LIN9: variants seen among roughly 807,000 people sequenced by gnomAD.
LIN9 encodes the protein lin-9 DREAM MuvB core complex component.
A neutral mutation model predicts 78.0 loss-of-function variants in LIN9; 18 were observed. That is an observed-to-expected ratio of 0.23 (90% confidence interval 0.16 to 0.34). The LOEUF is 0.34. Among genes scored for constraint, LIN9 ranks in the 10% least tolerant of loss-of-function variants. LIN9 has a pLI of 1.00. For synonymous variants in LIN9, 192 were observed against 215.2 expected (o/e 0.89, Z 0.94); for missense variants, 451 against 644.1 (o/e 0.70, Z 3.25).
At chr1:226,252,508 G>T (rs977634022) in intron 10 of LIN9, among the ~76,000 whole-genome samples, 1 of 152,104 alleles carries the variant, frequency 6.6e-6, no homozygotes, top group Non-Finnish European at 1.5e-5. Context: ...AATCGAGACT[G>T]TGGGAGACTG....
At chr1:226,255,158 T>G (rs1198907443) in intron 10 of LIN9, among the ~76,000 whole-genome samples, 6 of 152,150 alleles carry the variant, frequency 3.9e-5, no homozygotes, top group African/African-American at 1.4e-4. Context: ...GAGGCTTTTT[T>G]GAAAAGCATA....
upstream of LIN9, chr1:226,309,537 A>G: frequency 8.5e-7 from 1 of 1,177,254 alleles, no homozygotes; most frequent in Non-Finnish European, 1.1e-6. Flanking sequence ...CCGAGTGGAG[A>G]ACGGGAGGGA....
chr1:226,243,044 G>C (rs1402658972), intron 11 of LIN9, among the ~76,000 whole-genome samples: 1 of 152,178 alleles, frequency 6.6e-6, no homozygotes, highest in Non-Finnish European at 1.5e-5. Flanking sequence ...TTAAGTTTTA[G>C]GGGAGTCAAA....
chr1:226,268,586 A>G (rs534409405), intron 7 of LIN9, among the ~76,000 whole-genome samples: 1 of 152,260 alleles, frequency 6.6e-6, no homozygotes, highest in East Asian at 1.9e-4. Context: ...CTAATTAATA[A>G]TGGTGGTTTT....
intron 11 of LIN9, among the ~76,000 whole-genome samples, chr1:226,240,212 G>C (rs1361417076): frequency 4.6e-5 from 7 of 152,154 alleles, no homozygotes; most frequent in Non-Finnish European, 1.0e-4. Flanking sequence ...GTACTAAATA[G>C]AGCTGACTAA....
intron 8 of LIN9, among the ~76,000 whole-genome samples, chr1:226,267,145 G>A (rs1403214939): frequency 6.6e-6 from 1 of 151,064 alleles, no homozygotes; most frequent in Non-Finnish European, 1.5e-5. Flanking sequence ...TAAGAGCAGT[G>A]TACTCTGTTC....
intron 10 of LIN9, among the ~76,000 whole-genome samples, chr1:226,254,035 G>T (rs1472057925): frequency 6.6e-6 from 1 of 152,208 alleles, no homozygotes; most frequent in Non-Finnish European, 1.5e-5. Context: ...GGGCTCAAGT[G>T]ATCTTCCCAC....
At chr1:226,250,433 TAC>T (rs1489761036) in intron 11 of LIN9, among the ~76,000 whole-genome samples, 1 of 152,214 alleles carries the variant, frequency 6.6e-6, no homozygotes, top group Non-Finnish European at 1.5e-5. Context: ...TATTCAACTG[TAC>T]AGTCAATGGC....
At chr1:226,294,855 A>C (rs1264501478) in intron 4 of LIN9, among the ~76,000 whole-genome samples, 2 of 150,398 alleles carry the variant, frequency 1.3e-5, no homozygotes, top group Non-Finnish European at 3.0e-5. Flanking sequence ...GCTGGAGTGC[A>C]GTGGCATGAT....
At position 226,259,148 on chromosome 1, in the gene LIN9, C is replaced by T. The variant is rs565328987; in HGVS notation, c.1038+6385G>A. 1.1e-3 allele frequency among the ~76,000 whole-genome samples: 174 copies of T among 151,700 alleles called. 5 individuals carry two copies. Among genetic ancestry groups the T allele is most frequent in the South Asian group, 8.2e-3 (39 of 4,784 alleles). On this transcript the variant is annotated intron_variant, in intron 10 of 14. Transcript: ENST00000681046. ...GCTAATTTTGTATTTTTAGTAGAGA[C>T]GGGGTTTCACCACATTGGCCAGGCT...
In LIN9 at chr1:226,233,080, A is replaced by G. The variant is rs776135299; in HGVS notation, c.1523+16T>C. 1.3e-5 allele frequency: 19 copies of G among 1,430,198 alleles called. No homozygotes were observed. The highest frequency in any genetic ancestry group is 1.8e-5 in the Non-Finnish European group (19 of 1,032,800). 88.6% of individuals were successfully genotyped at this position (1,430,198 alleles called of 1,614,324 possible). ...AACTTCACATTAAAATGATTAGAGT[A>G]TACCTAACGAATTACCTGATATTAG... On this transcript the variant is annotated intron_variant, in intron 14 of 14. Transcript: ENST00000681046.
At chr1:226,290,766 A>G (rs977824768) in intron 4 of LIN9, among the ~76,000 whole-genome samples, 1 of 151,984 alleles carries the variant, frequency 6.6e-6, no homozygotes, top group Non-Finnish European at 1.5e-5. Flanking sequence ...TTTTTTAAAA[A>G]AATTTTTTAA....
chr1:226,252,830 G>C (rs1011067635), intron 10 of LIN9, among the ~76,000 whole-genome samples: 1 of 152,104 alleles, frequency 6.6e-6, no homozygotes, highest in Admixed American at 6.5e-5. Flanking sequence ...AGCAGTGCGT[G>C]GTGGTGGACA....
chr1:226,270,602 G>A (rs1660206091), intron 7 of LIN9, among the ~76,000 whole-genome samples: 1 of 151,874 alleles, frequency 6.6e-6, no homozygotes, highest in African/African-American at 2.4e-5. Context: ...AGGGTGGATC[G>A]CTGGAGCTCA....
intron 9 of LIN9, 46 bp downstream of exon 9, chr1:226,266,167 T>A: frequency 7.4e-7 from 1 of 1,355,756 alleles, no homozygotes; most frequent in Non-Finnish European, 9.9e-7. Context: ...ATAGTTCACC[T>A]TCATAAAAAT....
chr1:226,309,106 C>T lies in LIN9; in HGVS notation c.31+3G>A. 1 of 1,318,664 alleles carries T rather than the reference C, an allele frequency of 7.6e-7. No homozygotes were observed. The highest frequency in any genetic ancestry group is 2.4e-4 in the Middle Eastern group (1 of 4,202). The allele number at this position is 1,318,664 out of a possible 1,614,324, so 81.7% of individuals were successfully genotyped here. On this transcript the variant is annotated splice_donor_region_variant and intron_variant, in intron 1 of 14. Coordinates refer to ENST00000681046, the MANE Select transcript of LIN9 (RefSeq NM_001366245.2). ...GGGGGGGGTGCTTTGAGGTGCTACT[C>T]ACTCTCGTCAGGCAACTGGTCGAGC...
intron 10 of LIN9, among the ~76,000 whole-genome samples, chr1:226,255,429 G>A (rs1474997280): frequency 6.6e-6 from 1 of 152,130 alleles, no homozygotes; most frequent in Non-Finnish European, 1.5e-5. Flanking sequence ...CACATAAGAG[G>A]AGGAAAAACT....
intron 10 of LIN9, among the ~76,000 whole-genome samples, chr1:226,263,472 A>T (rs937801173): frequency 5.9e-5 from 9 of 152,200 alleles, no homozygotes; most frequent in African/African-American, 2.2e-4. Flanking sequence ...TAAAAATCAA[A>T]TATAACAAGG....
At chr1:226,259,276 T>C (rs1174420901) in intron 10 of LIN9, among the ~76,000 whole-genome samples, 1 of 152,134 alleles carries the variant, frequency 6.6e-6, no homozygotes, top group East Asian at 1.9e-4. Flanking sequence ...ACTTAATATT[T>C]ATATGCCTAA....
Sources: allele counts gnomAD v4.1 joint callset (sites outside exome capture counted in the v4.1 genomes callset), GRCh38; gene constraint gnomAD v4.1.1; transcripts MANE v1.5; gene names NCBI Gene and HGNC (gene_info 2026-07-23, HGNC 2026-07-21).